MIS18BP1: variants seen among roughly 807,000 people sequenced by gnomAD.
MIS18BP1 encodes MIS18 binding protein 1.
A neutral mutation model predicts 116.1 loss-of-function variants in MIS18BP1; 72 were observed. The ratio of observed to expected loss-of-function variants is 0.62; its 90% CI spans 0.51 to 0.75. The LOEUF is 0.75. Ranked by LOEUF, MIS18BP1 falls within the 30% of genes least tolerant of loss-of-function variation. MIS18BP1 has a pLI of 0.00. For synonymous variants in MIS18BP1, 386 were observed against 427.0 expected, an observed-to-expected ratio of 0.90 and a Z score of 1.18; for missense variants, 1,363 against 1,303.2, an observed-to-expected ratio of 1.05 and a Z score of -0.71.
intron 12 of MIS18BP1, 49 bp downstream of exon 12, chr14:45,218,233 G>C (rs1285758841): frequency 1.3e-6 from 2 of 1,535,380 alleles, no homozygotes; most frequent in South Asian, 2.4e-5. Context: ...TCAGTGATCA[G>C]AAATCAACAC....
chr14:45,214,096 C>T (rs928249163), intron 13 of MIS18BP1, among the ~76,000 whole-genome samples: 6 of 152,158 alleles, frequency 3.9e-5, no homozygotes, highest in Admixed American at 1.3e-4. Context: ...GATATGGCCT[C>T]GTGGGAAGGG....
intron 4 of MIS18BP1, among the ~76,000 whole-genome samples, chr14:45,238,630 G>A (rs973394631): frequency 3.3e-5 from 5 of 152,110 alleles, no homozygotes; most frequent in Non-Finnish European, 7.4e-5. Flanking sequence ...AGGAGTTCAA[G>A]ACCAGCCTGG....
At chr14:45,207,514 G>A (rs112208017) in intron 14 of MIS18BP1, among the ~76,000 whole-genome samples, 2,684 of 152,192 alleles carry the variant, frequency 0.018, 49 homozygotes, top group Admixed American at 0.046. Context: ...AGCCAGGCAC[G>A]GTGGCATGCG....
intron 8 of MIS18BP1, among the ~76,000 whole-genome samples, chr14:45,229,805 C>T (rs894619603): frequency 6.6e-6 from 1 of 152,014 alleles, no homozygotes; most frequent in Admixed American, 6.6e-5. Flanking sequence ...GTGCCGAAGC[C>T]CCAAGGTTCC....
At chr14:45,206,215 C>A in intron 14 of MIS18BP1, 45 bp from the exon 15 acceptor site, 1 of 1,322,458 alleles carries the variant, frequency 7.6e-7, no homozygotes, top group South Asian at 1.3e-5. Flanking sequence ...ATTTTTAAGT[C>A]AACCTAATAA....
rs1890716266 is a variant in MIS18BP1 at position 45,212,958 on chromosome 14, T to G, written c.3004-2430A>C. Among the ~76,000 whole-genome samples, 5 of 152,370 alleles carry G rather than the reference T, an allele frequency of 3.3e-5. No individual in the cohort carries two copies. The South Asian group carries it at 1.0e-3, about 32-fold the overall frequency. On this transcript the variant is annotated intron_variant, in intron 13 of 16. Transcript: ENST00000310806. Reference sequence around the variant, plus strand: ...AGAGTACTTTCTTTCCTTTGCTTCCTGCTTTAAAGTGTTTTAATAAACTTT... The same window carrying G: ...AGAGTACTTTCTTTCCTTTGCTTCCGGCTTTAAAGTGTTTTAATAAACTTT...
At position 45,205,041 on chromosome 14, in the gene MIS18BP1, G is replaced by A. The variant is rs1405729815; in HGVS notation, c.3241-588C>T. On this transcript the variant is annotated intron_variant, in intron 15 of 16. Transcript: ENST00000310806. Reference sequence around the variant, plus strand: ...AGTACATGCTCACACACATTACAATGCTTATCAAACTATTGGCCATGGCTG... The same window carrying A: ...AGTACATGCTCACACACATTACAATACTTATCAAACTATTGGCCATGGCTG... 2.0e-5 allele frequency among the ~76,000 whole-genome samples: 3 copies of A among 152,162 alleles called. No homozygotes were observed. The East Asian group carries it at 5.8e-4, about 29-fold the overall frequency.
At chr14:45,247,448 CACA>C (rs752724578) in intron 1 of MIS18BP1, 71 bp from the exon 2 acceptor site, 3 of 565,804 alleles carry the variant, frequency 5.3e-6, no homozygotes, top group Non-Finnish European at 9.1e-6. Context: ...ATTTGCTTTC[CACA>C]ACATTATACT....
intron 1 of MIS18BP1, among the ~76,000 whole-genome samples, chr14:45,250,525 C>T (rs1407264456): frequency 1.3e-5 from 2 of 151,890 alleles, no homozygotes; most frequent in African/African-American, 2.4e-5. Flanking sequence ...ATTTGTTGAC[C>T]TAACAGATGG....
At chr14:45,218,505 A>G in intron 11 of MIS18BP1, 51 bp from the exon 12 acceptor site, 1 of 1,495,632 alleles carries the variant, frequency 6.7e-7, no homozygotes, top group Non-Finnish European at 9.0e-7. Context: ...ACCAATGACA[A>G]TAACCTCTTA....
chr14:45,208,508 A>G (rs1344971525), intron 14 of MIS18BP1, among the ~76,000 whole-genome samples: 3 of 151,678 alleles, frequency 2.0e-5, no homozygotes, highest in East Asian at 1.9e-4. Flanking sequence ...AATTTTTTGT[A>G]TTTTTAGTAG....
intron 13 of MIS18BP1, among the ~76,000 whole-genome samples, chr14:45,212,515 G>GT (rs1890703971): frequency 1.3e-5 from 2 of 152,156 alleles, no homozygotes; most frequent in African/African-American, 4.8e-5. Context: ...GTTGTTAACT[G>GT]TGTCTCTAAA....
chr14:45,222,408 C>T (rs2139178183), intron 11 of MIS18BP1, among the ~76,000 whole-genome samples: 1 of 152,240 alleles, frequency 6.6e-6, no homozygotes, highest in South Asian at 2.1e-4. Flanking sequence ...CTAGGGATGA[C>T]ATTAAATATA....
intron 1 of MIS18BP1, among the ~76,000 whole-genome samples, chr14:45,251,036 C>CAAAA (rs1230380755): frequency 3.4e-5 from 2 of 59,234 alleles, no homozygotes; most frequent in Admixed American, 1.7e-4. Context: ...GACTCTGCCT[C>CAAAA]AAAAAAAAAA....
chr14:45,237,799 A>G, intron 4 of MIS18BP1, 78 bp from the exon 5 acceptor site: 3 of 1,501,862 alleles, frequency 2.0e-6, no homozygotes, highest in Non-Finnish European at 2.6e-6. Flanking sequence ...TTACATTAAA[A>G]GAAAAAACTT....
rs1160531395 is a variant in MIS18BP1 at position 45,253,030 on chromosome 14, C to G, written c.-92+5G>C. 2.0e-5 allele frequency: 3 copies of G among 152,302 alleles called. No individual in the cohort carries two copies. The highest frequency in any genetic ancestry group is 7.2e-5 in the African/African-American group (3 of 41,468). 9.4% of individuals were successfully genotyped at this position (152,302 alleles called of 1,614,324 possible). A position where few individuals can be genotyped will look rare whatever the true frequency, so the allele number is the denominator to read the frequency against. On this transcript the variant is annotated splice_donor_5th_base_variant and intron_variant, in intron 1 of 16. Transcript: ENST00000310806. The stretch of plus-strand genomic sequence containing the variant: ...AGGTTAGCGGAGGGCGCGGGGAGGA[C>G]GTACCTTGGATGAAGAGCCTGGCAG...
At position 45,247,130 on chromosome 14, in the gene MIS18BP1, A is replaced by C. The variant is rs367738888; in HGVS notation, c.157T>G (p.Leu53Val). The C allele has an allele frequency of 8.8e-5, 141 of 1,597,664 alleles. No homozygotes were observed. Among genetic ancestry groups the C allele is most frequent in the Non-Finnish European group, 1.2e-4 (135 of 1,169,182 alleles). Residue 53 changes from leucine to valine, a missense_variant, in exon 2 of 17, where the codon TTA (leucine) becomes GTA (valine). By Grantham distance (32) the Leu-to-Val change is conservative (BLOSUM62 1). Coordinates refer to ENST00000310806, the MANE Select transcript of MIS18BP1 (RefSeq NM_018353.5). ...TTCTTTTTATGGTCATTCAATTTTA[A>C]GGAGGAGTTCTGATATTTCACCAAA... is the stretch of plus-strand genomic sequence containing the variant. ...KDLVKYQNSS[L>V]KLNDHKKNQF...
At chr14:45,206,710 C>CT (rs764708686) in intron 14 of MIS18BP1, among the ~76,000 whole-genome samples, 2 of 152,218 alleles carry the variant, frequency 1.3e-5, no homozygotes, top group Non-Finnish European at 2.9e-5. Flanking sequence ...CTGATCAAGA[C>CT]TATTTTGGGA....
rs1305017121 is a variant in MIS18BP1 at position 45,218,291 on chromosome 14, C to T, written c.2833G>A (p.Gly945Ser). ...TTACTACGAAGGTTACCATTTTGGC[C>T]TTTGGAATTGGCTGGCTTCTTCTTA... The part of the protein sequence containing the change: ...VTKKKPANSK[G>S]QNGKRGDADQ... The change falls in exon 12 of 17, where the codon GGC becomes AGC. Residue 945 changes from glycine to serine, a missense_variant. Physicochemically the swap from Gly to Ser is moderately conservative, Grantham distance 56 (BLOSUM62 0). Transcript: ENST00000310806. The T allele has an allele frequency of 1.2e-6, 2 of 1,613,700 alleles. No homozygotes were observed. Among genetic ancestry groups the T allele is most frequent in the Non-Finnish European group, 1.7e-6 (2 of 1,179,938 alleles).
Sources: gnomAD v4.1 joint callset for allele counts (sites outside exome capture counted in the v4.1 genomes callset) on GRCh38, gnomAD v4.1.1 for gene constraint, MANE v1.5 for transcripts, NCBI Gene and HGNC (gene_info 2026-07-23, HGNC 2026-07-21) for gene names.